Variants in ZNF462 observed in about 807,000 individuals in gnomAD.
The protein encoded by ZNF462 is zinc finger PBX1-interacting protein.
In ZNF462, 10 loss-of-function variants were observed where a neutral mutation model predicts 201.9. That is an observed-to-expected ratio of 0.05 (90% CI 0.03 to 0.08). The LOEUF (loss-of-function observed/expected upper bound fraction) is 0.08. Among genes scored for constraint, ZNF462 ranks in the 10% least tolerant of loss-of-function variants. The pLI, the probability that ZNF462 is intolerant of heterozygous loss-of-function variation, is 1.00. For synonymous variants in ZNF462, 1,227 were observed against 1,193.3 expected, an observed-to-expected ratio of 1.03 and a Z score of -0.58; for missense variants, 2,523 against 3,168.3, an observed-to-expected ratio of 0.80 and a Z score of 4.89.
chr9:106,938,905 T>C lies in ZNF462; in HGVS notation c.6236-11T>C. The stretch of plus-strand genomic sequence containing the variant: ...TTTCCTGTTCTATTTCTTGTCACCA[T>C]CCTCTTCCAGGTGAGCATGCCTACA... On this transcript the variant is annotated splice_polypyrimidine_tract_variant and intron_variant, in intron 6 of 12. Transcript: ENST00000277225. The surrounding 1 kb of genome is among the most constrained non-coding windows in gnomAD (Gnocchi z 4.4). 6.3e-7 allele frequency: 1 copy of C among 1,594,060 alleles called. No individual in the cohort carries two copies.
At chr9:106,878,865 G>A (rs574397995) in intron 1 of ZNF462, among the ~76,000 whole-genome samples, 1 of 152,194 alleles carries the variant, frequency 6.6e-6, no homozygotes, top group Non-Finnish European at 1.5e-5. Context: ...CTTGTTCTCT[G>A]TTGGTGTGAA....
chr9:106,886,284 G>C lies in ZNF462; in HGVS notation c.-31+22929G>C, dbSNP rs1474714911. Among the ~76,000 whole-genome samples, 1 of 152,160 alleles carries C rather than the reference G, an allele frequency of 6.6e-6. No homozygotes were observed. The highest frequency in any genetic ancestry group is 2.4e-5 in the African/African-American group (1 of 41,426). ...CTTTCTCTGTCTTTTCATGACTTGG[G>C]TATGTTTATGTAGATCCAAAATTAT... On this transcript the variant is annotated intron_variant, in intron 1 of 12. Coordinates refer to ENST00000277225, the MANE Select transcript of ZNF462 (RefSeq NM_021224.6). The surrounding 1 kb of genome is among the most constrained non-coding windows in gnomAD (Gnocchi z 4.6).
intron 1 of ZNF462, among the ~76,000 whole-genome samples, chr9:106,896,981 A>G (rs758240808): frequency 6.6e-6 from 1 of 152,240 alleles, no homozygotes; most frequent in South Asian, 2.1e-4. Flanking sequence ...CCAACCATTC[A>G]TGAACCTGGG....
Position 106,938,669 on chromosome 9 carries a change from C to G in ZNF462, c.6236-247C>G, listed in dbSNP as rs1254074464. 6.6e-6 allele frequency among the ~76,000 whole-genome samples: 1 copy of G among 152,124 alleles called. No individual in the cohort carries two copies. The highest frequency in any genetic ancestry group is 2.4e-5 in the African/African-American group (1 of 41,416). On this transcript the variant is annotated intron_variant, in intron 6 of 12. Transcript: ENST00000277225. This position sits in a 1 kb window ranked among gnomAD's most constrained non-coding sequence, Gnocchi z 4.4. ...TGGGGAATTAATTCATAGCTTCACTCCTGTAAGCAGAGCCCAAAATGAAAA... is the reference window on the plus strand; with the variant it reads ...TGGGGAATTAATTCATAGCTTCACTGCTGTAAGCAGAGCCCAAAATGAAAA...
chr9:106,962,767 C>A lies in ZNF462; in HGVS notation c.6428-9238C>A, dbSNP rs747522304. 6.6e-6 allele frequency among the ~76,000 whole-genome samples: 1 copy of A among 151,928 alleles called. No individual in the cohort carries two copies. Among genetic ancestry groups the A allele is most frequent in the Non-Finnish European group, 1.5e-5 (1 of 67,960 alleles). The stretch of plus-strand genomic sequence containing the variant: ...CCTCAACCTTATTTTCAGGATTAGG[C>A]GTTTGTTTTTCCGTTTGCCTCCATG... On this transcript the variant is annotated intron_variant, in intron 7 of 12. Transcript: ENST00000277225. The surrounding 1 kb of genome is among the most constrained non-coding windows in gnomAD (Gnocchi z 4.6).
Position 106,924,814 on chromosome 9 carries a change from C to T in ZNF462, c.902C>T (p.Thr301Ile), listed in dbSNP as rs1279129862. ...GCCCCCAGCCCCACTTCCAACTCCA[C>T]CTATCTGACCATGAATGCTGCAAGC... The part of the protein sequence containing the change: ...KSAPSPTSNS[T>I]YLTMNAASRE... The change falls in exon 3 of 13, where the codon ACC (threonine) becomes ATC (isoleucine). Residue 301 changes from threonine to isoleucine, a missense_variant. This residue lies in a region of ZNF462 where 480 missense variants were observed against 544.4 expected (regional missense o/e 0.88). Transcript: ENST00000277225. This position sits in a 1 kb window ranked among gnomAD's most constrained non-coding sequence, Gnocchi z 6.2. The T allele has an allele frequency of 6.2e-7, 1 of 1,614,196 alleles. No individual in the cohort carries two copies. The highest frequency in any genetic ancestry group is 1.3e-5 in the African/African-American group (1 of 75,054).
intron 7 of ZNF462, among the ~76,000 whole-genome samples, chr9:106,960,123 T>C (rs188935351): frequency 2.0e-5 from 3 of 152,246 alleles, no homozygotes; most frequent in African/African-American, 7.2e-5. Context: ...TGCTCATTCT[T>C]GTTCTTGATC....
intron 1 of ZNF462, among the ~76,000 whole-genome samples, chr9:106,867,417 G>A (rs555150280): frequency 2.0e-5 from 3 of 152,130 alleles, no homozygotes; most frequent in East Asian, 1.9e-4. Context: ...AAATATTTGC[G>A]AGCTATGATG....
In ZNF462 at chr9:106,930,843, A is replaced by C; in HGVS notation, c.6012+154A>C. On this transcript the variant is annotated intron_variant, in intron 4 of 12. Transcript: ENST00000277225. The surrounding 1 kb of genome is among the most constrained non-coding windows in gnomAD (Gnocchi z 5.8). Reference sequence around the variant, plus strand: ...GTTTGGCTTGTTTTGATTTCTTTGCAGGTTGGACCTTCCTCATCTTTCTGT... The same window carrying C: ...GTTTGGCTTGTTTTGATTTCTTTGCCGGTTGGACCTTCCTCATCTTTCTGT... 2 of 886,786 alleles carry C rather than the reference A, an allele frequency of 2.3e-6. No homozygotes were observed. Among genetic ancestry groups the C allele is most frequent in the South Asian group, 3.6e-5 (2 of 55,908 alleles). 54.9% of individuals were successfully genotyped at this position (886,786 alleles called of 1,614,324 possible).
intron 1 of ZNF462, among the ~76,000 whole-genome samples, chr9:106,864,496 G>A (rs2130761343): frequency 6.6e-6 from 1 of 152,174 alleles, no homozygotes; most frequent in South Asian, 2.1e-4. Flanking sequence ...TTATCTCCCT[G>A]TCCTCCATTT....
intron 11 of ZNF462, among the ~76,000 whole-genome samples, chr9:107,007,428 A>T (rs554182132): frequency 3.9e-5 from 6 of 152,260 alleles, no homozygotes; most frequent in South Asian, 2.1e-4. Flanking sequence ...TCACTGGAAA[A>T]AGTATAGTGT....
At chr9:106,863,693 G>C (rs545643876) in intron 1 of ZNF462, among the ~76,000 whole-genome samples, 1 of 152,178 alleles carries the variant, frequency 6.6e-6, no homozygotes, top group Admixed American at 6.5e-5. Flanking sequence ...CTGCTGGGGG[G>C]AGTGAGCGCG....
chr9:106,975,730 G>A (rs1826953823), intron 9 of ZNF462: 1 of 152,330 alleles, frequency 6.6e-6, no homozygotes, highest in Admixed American at 6.5e-5. Flanking sequence ...CAGACATGGC[G>A]AGTCTTCACT....
In ZNF462 at chr9:106,936,747, C is replaced by T. The variant is rs535564486; in HGVS notation, c.6235+1126C>T. Reference sequence around the variant, plus strand: ...GTGAGTTTTGCCCATAGGCCTTAGCCTTGTCAAAAGCACTTTTACCAGCGA... The same window carrying T: ...GTGAGTTTTGCCCATAGGCCTTAGCTTTGTCAAAAGCACTTTTACCAGCGA... On this transcript the variant is annotated intron_variant, in intron 6 of 12. Transcript: ENST00000277225. 4.2e-4 allele frequency among the ~76,000 whole-genome samples: 64 copies of T among 152,302 alleles called. No individual in the cohort carries two copies. In the South Asian group the frequency reaches 6.8e-3, roughly 16 times the overall value.
In ZNF462 at chr9:107,010,751, T is replaced by C. The variant is rs1829887832; in HGVS notation, c.7314-72T>C. ...GAAAATAAAGACACTCGAGGGTTTTTATTATTTTTTTGTTTAAAAAGAGAA... is the reference window on the plus strand; with the variant it reads ...GAAAATAAAGACACTCGAGGGTTTTCATTATTTTTTTGTTTAAAAAGAGAA... On this transcript the variant is annotated intron_variant, in intron 12 of 12. Transcript: ENST00000277225. The surrounding 1 kb of genome is among the most constrained non-coding windows in gnomAD (Gnocchi z 4.6). 3.6e-6 allele frequency: 5 copies of C among 1,387,166 alleles called. No homozygotes were observed. Among genetic ancestry groups the C allele is most frequent in the Non-Finnish European group, 4.8e-6 (5 of 1,037,646 alleles). 85.9% of individuals were successfully genotyped at this position (1,387,166 alleles called of 1,614,324 possible). A position where few individuals can be genotyped will look rare whatever the true frequency, so the allele number is the denominator to read the frequency against.
intron 9 of ZNF462, chr9:106,979,238 T>C (rs965667628): frequency 6.5e-6 from 1 of 153,906 alleles, no homozygotes; most frequent in Non-Finnish European, 1.4e-5. Flanking sequence ...AGGCCAACAA[T>C]CTTCTTCTCT....
In ZNF462 at chr9:106,917,485, C is replaced by T. The variant is rs1424091368; in HGVS notation, c.-30-5869C>T. On this transcript the variant is annotated intron_variant, in intron 1 of 12. Coordinates refer to ENST00000277225, the MANE Select transcript of ZNF462 (RefSeq NM_021224.6). This position sits in a 1 kb window ranked among gnomAD's most constrained non-coding sequence, Gnocchi z 4.5. Reference sequence around the variant, plus strand: ...GAGGCCACATGCATTGGCAGGACTTCATCTCATGGTATTTCCCTGCTACTA... The same window carrying T: ...GAGGCCACATGCATTGGCAGGACTTTATCTCATGGTATTTCCCTGCTACTA... 2.6e-5 allele frequency among the ~76,000 whole-genome samples: 4 copies of T among 152,202 alleles called. No individual in the cohort carries two copies. Among genetic ancestry groups the T allele is most frequent in the Non-Finnish European group, 5.9e-5 (4 of 68,042 alleles).
Position 107,011,081 on chromosome 9 carries a change from T to C in ZNF462, c.*51T>C, listed in dbSNP as rs1829905094. ...CCTTACTTGAACAGTGATGAAAAAG[T>C]GGGAGGGCTGGCTTGGGCTGAGAAG... On this transcript the variant is annotated 3_prime_UTR_variant, in exon 13 of 13. Coordinates refer to ENST00000277225, the MANE Select transcript of ZNF462 (RefSeq NM_021224.6). This position sits in a 1 kb window ranked among gnomAD's most constrained non-coding sequence, Gnocchi z 5.6. 3.8e-6 allele frequency: 6 copies of C among 1,586,018 alleles called. No individual in the cohort carries two copies. Among genetic ancestry groups the C allele is most frequent in the Non-Finnish European group, 5.2e-6 (6 of 1,162,784 alleles).
At position 106,926,431 on chromosome 9, in the gene ZNF462, G is replaced by C. The variant is rs1218783896; in HGVS notation, c.2519G>C (p.Gly840Ala). ...NSENTDFGDS[G>A]RLYYCKHCDF... is the part of the protein sequence containing the mutation. The stretch of plus-strand genomic sequence containing the variant: ...GAAAACACAGACTTTGGTGACTCTG[G>C]AAGGCTTTACTATTGTAAACACTGT... Residue 840 changes from glycine to alanine, a missense_variant, in exon 3 of 13, where the codon GGA (glycine) becomes GCA (alanine). This residue lies in a region of ZNF462 where 383 missense variants were observed against 453.4 expected (regional missense o/e 0.84). Coordinates refer to ENST00000277225, the MANE Select transcript of ZNF462 (RefSeq NM_021224.6). This position sits in a 1 kb window ranked among gnomAD's most constrained non-coding sequence, Gnocchi z 7.9. 1 of 1,614,066 alleles carries C rather than the reference G, an allele frequency of 6.2e-7. No homozygotes were observed. Among genetic ancestry groups the C allele is most frequent in the African/African-American group, 1.3e-5 (1 of 74,908 alleles).
Sources: allele counts gnomAD v4.1 joint callset (sites outside exome capture counted in the v4.1 genomes callset), GRCh38; gene constraint gnomAD v4.1.1; regional missense constraint gnomAD v4.1.1; non-coding constraint Gnocchi (gnomAD v3.1); transcripts MANE v1.5; gene names NCBI Gene and HGNC (gene_info 2026-07-23, HGNC 2026-07-21).